Variants in NADK observed in about 807,000 individuals in gnomAD.
NADK encodes the protein NAD kinase.
Under a neutral mutation model 49.8 loss-of-function variants are expected in NADK, and 22 were observed. The ratio of observed to expected loss-of-function variants is 0.44; its 90% CI spans 0.32 to 0.63. The LOEUF is 0.63. Among genes scored for constraint, NADK ranks in the 30% least tolerant of loss-of-function variants. The pLI, the probability that NADK is intolerant of heterozygous loss-of-function variation, is 0.06. For synonymous variants in NADK, 268 were observed against 253.7 expected, an observed-to-expected ratio of 1.06 and a Z score of -0.54; for missense variants, 438 against 609.4, an observed-to-expected ratio of 0.72 and a Z score of 2.96.
At chr1:1,769,722 C>T (rs941898082) in intron 1 of NADK, among the ~76,000 whole-genome samples, 2 of 148,970 alleles carry the variant, frequency 1.3e-5, no homozygotes, top group African/African-American at 5.0e-5. Flanking sequence ...AGCAAGACTC[C>T]ATCTCAAATG....
chr1:1,759,873 A>C, intron 3 of NADK: 1 of 1,550,732 alleles, frequency 6.4e-7, no homozygotes, highest in African/African-American at 1.4e-5. Context: ...TGAAGGCAGC[A>C]GCTGAGATGC....
In NADK at chr1:1,754,836, T is replaced by C; in HGVS notation, c.689-138A>G. On this transcript the variant is annotated intron_variant, in intron 7 of 11. Transcript: ENST00000341426. The surrounding 1 kb of genome is among the most constrained non-coding windows in gnomAD (Gnocchi z 4.3). The stretch of plus-strand genomic sequence containing the variant: ...ACACTTCTGTGCCTTTTTCTTTTTA[T>C]TTTGAGATGGAGTCTCACTCTGTCA... The C allele has an allele frequency of 1.2e-6, 1 of 806,164 alleles. No individual in the cohort carries two copies. Among genetic ancestry groups the C allele is most frequent in the Non-Finnish European group, 1.9e-6 (1 of 524,268 alleles). The allele number at this position is 806,164 out of a possible 1,614,324, so 49.9% of individuals were successfully genotyped here.
Position 1,765,463 on chromosome 1 carries a change from A to G in NADK, c.-40-17T>C. 2 of 1,124,214 alleles carry G rather than the reference A, an allele frequency of 1.8e-6. No individual in the cohort carries two copies. The highest frequency in any genetic ancestry group is 2.4e-6 in the Non-Finnish European group (2 of 817,262). The allele number at this position is 1,124,214 out of a possible 1,614,324, so 69.6% of individuals were successfully genotyped here. A position where few individuals can be genotyped will look rare whatever the true frequency, so the allele number is the denominator to read the frequency against. ...CACTGATGCCTTAATTTAATAAAAT[A>G]AATAATGTAAATAAAGTAAATAAAT... On this transcript the variant is annotated splice_polypyrimidine_tract_variant and intron_variant, in intron 1 of 11. Transcript: ENST00000341426.
rs780015333 is a variant in NADK at position 1,754,003 on chromosome 1, G to A, written c.1101+48C>T. ...GCTAGGTCCCGGCTTTGTGTTGCACGGGGTCAAATGACTCACAAACCGGAA... is the reference window on the plus strand; with the variant it reads ...GCTAGGTCCCGGCTTTGTGTTGCACAGGGTCAAATGACTCACAAACCGGAA... On this transcript the variant is annotated intron_variant, in intron 10 of 11. Transcript: ENST00000341426. The surrounding 1 kb of genome is among the most constrained non-coding windows in gnomAD (Gnocchi z 4.3). 4.8e-5 allele frequency: 73 copies of A among 1,528,416 alleles called. No individual in the cohort carries two copies. Among genetic ancestry groups the A allele is most frequent in the Admixed American group, 4.0e-4 (19 of 46,938 alleles). 94.7% of individuals were successfully genotyped at this position (1,528,416 alleles called of 1,614,324 possible).
intron 2 of NADK, among the ~76,000 whole-genome samples, chr1:1,763,611 T>C (rs1570548310): frequency 1.1e-5 from 1 of 91,386 alleles, no homozygotes; most frequent in African/African-American, 3.8e-5. Context: ...AGAGCAAGAC[T>C]CCATCTCAAA....
chr1:1,779,862 T>C (rs1383619530), upstream of NADK: 4 of 152,398 alleles, frequency 2.6e-5, no homozygotes, highest in African/African-American at 9.6e-5. Flanking sequence ...CCAGGGTCGG[T>C]GTGGACCTGA....
chr1:1,756,020 A>G (rs1645507886), intron 6 of NADK: 1 of 587,988 alleles, frequency 1.7e-6, no homozygotes, highest in Non-Finnish European at 3.0e-6. Flanking sequence ...ACCCTGCGCC[A>G]CTCCCTGCTG....
chr1:1,771,524 C>T (rs533200645), intron 1 of NADK, among the ~76,000 whole-genome samples: 13 of 152,224 alleles, frequency 8.5e-5, no homozygotes, highest in African/African-American at 2.9e-4. Context: ...AGCATCAAGA[C>T]GGACATACAC....
intron 3 of NADK, among the ~76,000 whole-genome samples, chr1:1,761,189 C>A (rs1188095636): frequency 6.6e-6 from 1 of 152,228 alleles, no homozygotes; most frequent in Non-Finnish European, 1.5e-5. Flanking sequence ...GATGGGGTTT[C>A]ACCATATTGG....
chr1:1,753,586 C>T lies in NADK; in HGVS notation c.1165G>A (p.Glu389Lys). 6.2e-7 allele frequency: 1 copy of T among 1,612,684 alleles called. No homozygotes were observed. The highest frequency in any genetic ancestry group is 1.1e-5 in the South Asian group (1 of 90,676). The part of the protein sequence containing the change: ...WVSFDGRKRQ[E>K]IRHGDSISIT... ...CCACACCTGTCTCCATGGCGGATCTCTTGTCTCTTCCGTCCATCAAAGGAC... is the reference window on the plus strand; with the variant it reads ...CCACACCTGTCTCCATGGCGGATCTTTTGTCTCTTCCGTCCATCAAAGGAC... Residue 389 changes from glutamate (E) to lysine (K), a missense_variant, in exon 11 of 12, where the codon GAG becomes AAG. Physicochemically the swap from Glu to Lys is moderately conservative, Grantham distance 56. Transcript: ENST00000341426.
At chr1:1,764,382 G>T (rs1213757413) in intron 2 of NADK, among the ~76,000 whole-genome samples, 1 of 152,172 alleles carries the variant, frequency 6.6e-6, no homozygotes, top group Non-Finnish European at 1.5e-5. Context: ...AAAGCCCGGG[G>T]CGCTGTTGCC....
Position 1,754,794 on chromosome 1 carries a change from T to G in NADK, c.689-96A>C. 8.4e-7 allele frequency: 1 copy of G among 1,184,210 alleles called. No homozygotes were observed. Among genetic ancestry groups the G allele is most frequent in the Non-Finnish European group, 1.2e-6 (1 of 843,904 alleles). 73.4% of individuals were successfully genotyped at this position (1,184,210 alleles called of 1,614,324 possible). Reference sequence around the variant, plus strand: ...GGCCAGTGGGAGTCAGAGGGCTCTTTCTTCTCCCAAGTTGACACACTTCTG... The same window carrying G: ...GGCCAGTGGGAGTCAGAGGGCTCTTGCTTCTCCCAAGTTGACACACTTCTG... On this transcript the variant is annotated intron_variant, in intron 7 of 11. Coordinates refer to ENST00000341426, the MANE Select transcript of NADK (RefSeq NM_023018.5). This position sits in a 1 kb window ranked among gnomAD's most constrained non-coding sequence, Gnocchi z 4.3.
intron 6 of NADK, chr1:1,756,040 G>A: frequency 1.7e-6 from 1 of 600,238 alleles, no homozygotes; most frequent in Admixed American, 2.9e-5. Flanking sequence ...GTCCCAGGCG[G>A]GCGCTGGCCA....
chr1:1,763,823 A>G (rs1275768512), intron 2 of NADK, among the ~76,000 whole-genome samples: 4 of 151,986 alleles, frequency 2.6e-5, no homozygotes, highest in Admixed American at 2.0e-4. Flanking sequence ...GTCACTCACT[A>G]TGGAGGCGAC....
chr1:1,774,870 G>A (rs1392778582), intron 1 of NADK, among the ~76,000 whole-genome samples: 1 of 152,136 alleles, frequency 6.6e-6, no homozygotes, highest in Non-Finnish European at 1.5e-5. Flanking sequence ...CATTTTGGGA[G>A]GCCGAGGCGG....
At chr1:1,772,088 C>T (rs150961444) in intron 1 of NADK, among the ~76,000 whole-genome samples, 77 of 151,860 alleles carry the variant, frequency 5.1e-4, no homozygotes, top group African/African-American at 1.8e-3. Context: ...GGATTACAGG[C>T]GTGAGCCACC....
intron 1 of NADK, among the ~76,000 whole-genome samples, chr1:1,773,169 C>T (rs1212910983): frequency 2.0e-5 from 3 of 151,710 alleles, no homozygotes; most frequent in East Asian, 3.9e-4. Context: ...GACGAAGTCT[C>T]GCTCTTGTCC....
At chr1:1,773,676 TTGTGTGTGTGTGTGTGTGTGTGTG>T (rs57063985) in intron 1 of NADK, among the ~76,000 whole-genome samples, 3 of 116,612 alleles carry the variant, frequency 2.6e-5, no homozygotes, top group Non-Finnish European at 5.5e-5. Context: ...AAGCTCTATT[TTGTGTGTGTGTGTGTGTGTGTGTG>T]TGTGTGTGTG....
chr1:1,753,014 GCA>G lies in NADK; in HGVS notation c.1229_1230del (p.Val410AlafsTer9). The G allele has an allele frequency of 6.2e-7, 1 of 1,609,350 alleles. No homozygotes were observed. The highest frequency in any genetic ancestry group is 8.5e-7 in the Non-Finnish European group (1 of 1,178,162). On this transcript the variant is annotated frameshift_variant, in exon 12 of 12. Transcript: ENST00000341426. LOFTEE classifies it high-confidence loss of function. ...TCAAACCAGTCGCTCACGGGGTCCC[GCA>G]CACAGATGGAGGGGAGCGGGTAGCA... The part of the protein sequence containing the change: ...TSCYPLPSIC[V>X]RDPVSDWFES...
Sources: gnomAD v4.1 joint callset for allele counts (sites outside exome capture counted in the v4.1 genomes callset) on GRCh38, gnomAD v4.1.1 for gene constraint, Gnocchi (gnomAD v3.1) non-coding constraint, MANE v1.5 for transcripts, NCBI Gene and HGNC (gene_info 2026-07-23, HGNC 2026-07-21) for gene names.